Variants in ATP9B observed in about 807,000 individuals in gnomAD.
ATP9B encodes ATPase phospholipid transporting 9B.
A neutral mutation model predicts 146.1 loss-of-function variants in ATP9B; 110 were observed. The ratio of observed to expected loss-of-function variants is 0.75; its 90% CI spans 0.65 to 0.88. The LOEUF (loss-of-function observed/expected upper bound fraction) is 0.88. ATP9B is among the 40% of genes least tolerant of loss of function. The probability of loss-of-function intolerance (pLI) is 0.00; values close to 1 mark genes in which losing one functional copy is unlikely to be tolerated. For synonymous variants in ATP9B, 604 were observed against 569.7 expected (o/e 1.06, Z -0.86); for missense variants, 1,499 against 1,496.4 (o/e 1.00, Z -0.03).
At chr18:79,368,538 G>A (rs1035878608) in intron 26 of ATP9B, among the ~76,000 whole-genome samples, 1 of 152,150 alleles carries the variant, frequency 6.6e-6, no homozygotes, top group African/African-American at 2.4e-5. Flanking sequence ...CTCTCTGCTT[G>A]GTGGCTCTCA....
intron 2 of ATP9B, among the ~76,000 whole-genome samples, chr18:79,100,262 CTGTA>C (rs1189754074): frequency 6.6e-6 from 1 of 152,170 alleles, no homozygotes; most frequent in Admixed American, 6.5e-5. Flanking sequence ...GTGCACTGCT[CTGTA>C]TGTCAGTGAA....
rs751083504 is a variant in ATP9B, at chr18:79,253,457, T to C, written c.1184T>C (p.Met395Thr). The change falls in exon 12 of 30, where the codon ATG becomes ACG. Residue 395 changes from methionine to threonine, a missense_variant. Physicochemically the swap from Met to Thr is moderately conservative, Grantham distance 81. Coordinates refer to ENST00000426216, the MANE Select transcript of ATP9B (RefSeq NM_198531.5). ...FLALVALSIV[M>T]VTLQGFVGPW... ...GCTTTAGTTGCTCTTTCCATTGTTA[T>C]GGTAACCTTACAAGGATTTGTGGGT... The C allele has an allele frequency of 5.6e-6, 9 of 1,613,904 alleles. No individual in the cohort carries two copies. The Admixed American group carries it at 1.0e-4, about 18-fold the overall frequency.
intron 18 of ATP9B, 137 bp downstream of exon 18, chr18:79,336,848 G>C: frequency 1.2e-6 from 1 of 823,822 alleles, no homozygotes; most frequent in South Asian, 1.7e-5. Flanking sequence ...CTCAGCAGGA[G>C]CATGGGGTGA....
chr18:79,214,769 C>G (rs78692426), intron 11 of ATP9B, among the ~76,000 whole-genome samples: 2 of 152,178 alleles, frequency 1.3e-5, no homozygotes, highest in South Asian at 4.1e-4. Flanking sequence ...ATTTATGCCT[C>G]ACTCTGTGGG....
intron 5 of ATP9B, among the ~76,000 whole-genome samples, chr18:79,139,853 C>G (rs2094492999): frequency 6.6e-6 from 1 of 152,176 alleles, no homozygotes; most frequent in South Asian, 2.1e-4. Context: ...GGTAATCACC[C>G]TTCTACTCTC....
intron 11 of ATP9B, among the ~76,000 whole-genome samples, chr18:79,252,081 CAA>C (rs2096029881): frequency 6.6e-6 from 1 of 152,206 alleles, no homozygotes; most frequent in African/African-American, 2.4e-5. Context: ...CGAGGTCTAA[CAA>C]AGAGTTTAAG....
chr18:79,298,213 A>G (rs2096566440), intron 13 of ATP9B, among the ~76,000 whole-genome samples: 1 of 146,974 alleles, frequency 6.8e-6, no homozygotes, highest in African/African-American at 2.5e-5. Flanking sequence ...TTATCTACCT[A>G]GAAAATCCAA....
intron 7 of ATP9B, among the ~76,000 whole-genome samples, chr18:79,176,309 A>G (rs1202945649): frequency 6.6e-6 from 1 of 152,204 alleles, no homozygotes; most frequent in African/African-American, 2.4e-5. Flanking sequence ...ATATCTTAGC[A>G]TGTTTGAAAC....
intron 5 of ATP9B, among the ~76,000 whole-genome samples, chr18:79,130,829 A>C (rs1599773679): frequency 1.3e-5 from 2 of 152,302 alleles, no homozygotes; most frequent in East Asian, 3.9e-4. Context: ...AAAACCTGTC[A>C]GTTAAGAATT....
rs73971522 is a variant in ATP9B, at chr18:79,210,708, C to T, written c.1031-3254C>T. On this transcript the variant is annotated intron_variant, in intron 10 of 29. Transcript: ENST00000426216. ...GGAGCGCCTGCCCCAGGGAGCAGTG[C>T]ACACTGGGGTTCTGTGGAAATTGGC... 4.8e-3 allele frequency among the ~76,000 whole-genome samples: 731 copies of T among 152,326 alleles called. 7 individuals carry two copies. Among genetic ancestry groups the T allele is most frequent in the African/African-American group, 0.016 (662 of 41,572 alleles).
rs539710089 is a variant in ATP9B, at chr18:79,120,829, A to T, written c.559-5438A>T. Among the ~76,000 whole-genome samples the T allele has an allele frequency of 3.9e-5, 6 of 152,342 alleles. No individual in the cohort carries two copies. The South Asian group carries it at 1.2e-3, about 32-fold the overall frequency. On this transcript the variant is annotated intron_variant, in intron 4 of 29. Coordinates refer to ENST00000426216, the MANE Select transcript of ATP9B (RefSeq NM_198531.5). The stretch of plus-strand genomic sequence containing the variant: ...GGATAGGCTATGTAGGTGAGAAATC[A>T]ATCTATGAGGACTTTGATTTTTCAG...
intron 11 of ATP9B, among the ~76,000 whole-genome samples, chr18:79,251,704 A>G (rs1419669190): frequency 1.3e-5 from 2 of 152,268 alleles, no homozygotes; most frequent in Non-Finnish European, 2.9e-5. Context: ...AACTAAATAT[A>G]TGAGTTGTGG....
intron 9 of ATP9B, among the ~76,000 whole-genome samples, chr18:79,194,168 TCA>T (rs2095396090): frequency 6.6e-6 from 1 of 152,054 alleles, no homozygotes; most frequent in Admixed American, 6.5e-5. Context: ...TGAAATAAAC[TCA>T]CATCTTTTTT....
chr18:79,215,228 T>C (rs951554051), intron 11 of ATP9B, among the ~76,000 whole-genome samples: 2 of 151,858 alleles, frequency 1.3e-5, no homozygotes, highest in Non-Finnish European at 2.9e-5. Context: ...AATGGTTAAC[T>C]CTTCAAAAAT....
Position 79,110,339 on chromosome 18 carries a change from C to T in ATP9B, c.294-16C>T, listed in dbSNP as rs779589701. The T allele has an allele frequency of 2.6e-6, 4 of 1,553,594 alleles. No individual in the cohort carries two copies. In the South Asian group the frequency reaches 4.9e-5, roughly 19 times the overall value. On this transcript the variant is annotated splice_polypyrimidine_tract_variant and intron_variant, in intron 2 of 29. Transcript: ENST00000426216. ...GCAAAAAAAAATACACAATACGTAT[C>T]TTTTGTTTCATACAGTTGCTGTGGT...
At position 79,168,266 on chromosome 18, in the gene ATP9B, C is replaced by T. The variant is rs147141319; in HGVS notation, c.779-8547C>T. Among the ~76,000 whole-genome samples the T allele has an allele frequency of 2.9e-3, 449 of 152,266 alleles. 1 individual carries two copies. Among genetic ancestry groups the T allele is most frequent in the African/African-American group, 9.8e-3 (408 of 41,542 alleles). ...CGACTGCAGAGTCTGAGCAGGGGGT[C>T]CGTGGCTGCATCCTGCGGGGGGATA... On this transcript the variant is annotated intron_variant, in intron 7 of 29. Transcript: ENST00000426216.
chr18:79,328,008 CGTGCTCTCCGTGGT>C (rs2096768694), intron 15 of ATP9B, among the ~76,000 whole-genome samples: 2 of 133,818 alleles, frequency 1.5e-5, no homozygotes, highest in Non-Finnish European at 3.2e-5. Flanking sequence ...CCGTGGTTAG[CGTGCTCTCCGTGGT>C]TAGCGTGCTC....
At chr18:79,115,035 C>A (rs1322672514) in intron 4 of ATP9B, 1 of 159,256 alleles carries the variant, frequency 6.3e-6, no homozygotes, top group South Asian at 1.6e-4. Context: ...CGTCTCAGCC[C>A]AAAATCTCCT....
At chr18:79,075,221 C>T (rs546740451) in intron 1 of ATP9B, among the ~76,000 whole-genome samples, 7 of 152,262 alleles carry the variant, frequency 4.6e-5, no homozygotes, top group South Asian at 2.1e-4. Context: ...GGACTACAGG[C>T]GCTCACTACA....
Sources: allele counts gnomAD v4.1 joint callset (sites outside exome capture counted in the v4.1 genomes callset), GRCh38; gene constraint gnomAD v4.1.1; transcripts MANE v1.5; gene names NCBI Gene and HGNC (gene_info 2026-07-23, HGNC 2026-07-21).